Variants in SGCD observed in about 807,000 individuals in gnomAD.
SGCD encodes delta-sarcoglycan.
SGCD carries 18 observed loss-of-function variants against 36.6 expected under a neutral mutation model. The observed-to-expected ratio is 0.49, with a 90% confidence interval of 0.34 to 0.73. The LOEUF (loss-of-function observed/expected upper bound fraction) is 0.73, where lower values mean the gene tolerates loss of function less well. SGCD is among the 30% of genes least tolerant of loss of function. The probability of loss-of-function intolerance (pLI) is 0.01; values close to 1 mark genes in which losing one functional copy is unlikely to be tolerated. For missense variants in SGCD, 387 were observed against 346.7 expected, an observed-to-expected ratio of 1.12 and a Z score of -0.92; for synonymous variants, 133 against 130.6, an observed-to-expected ratio of 1.02 and a Z score of -0.12.
rs546509498 is a variant in SGCD at position 156,512,926 on chromosome 5, AT to A, written c.294+4236del. On this transcript the variant is annotated intron_variant, in intron 4 of 8. Transcript: ENST00000337851. ...ATTTAATGTCTAACTTAAGAGTACG[AT>A]TTTTTTTTTTTCCTGCAATGGGGCT... is the stretch of plus-strand genomic sequence containing the variant. Among the ~76,000 whole-genome samples, 978 of 146,674 alleles carry A rather than the reference AT, an allele frequency of 6.7e-3. 7 individuals are homozygous for A. Among genetic ancestry groups the A allele is most frequent in the African/African-American group, 0.016 (659 of 40,262 alleles).
chr5:156,008,095 G>A (rs913637504), intron 1 of SGCD, among the ~76,000 whole-genome samples: 6 of 152,050 alleles, frequency 3.9e-5, no homozygotes, highest in African/African-American at 9.7e-5. Flanking sequence ...TTGTGCTAGT[G>A]TCCTATGGCT....
At chr5:155,796,506 T>TA in the SGCD span, among the ~76,000 whole-genome samples, 1 of 151,574 alleles carries the variant, frequency 6.6e-6, no homozygotes, top group African/African-American at 2.4e-5. Flanking sequence ...AAAAAACACT[T>TA]AAAAATCAAT....
At chr5:155,909,146 T>C (rs1756580893) in intron 1 of SGCD, among the ~76,000 whole-genome samples, 1 of 152,098 alleles carries the variant, frequency 6.6e-6, no homozygotes, top group African/African-American at 2.4e-5. Context: ...CTACAGGTGC[T>C]CCAAACAGGC....
chr5:156,369,680 G>A (rs182555297), intron 3 of SGCD, among the ~76,000 whole-genome samples: 124 of 152,274 alleles, frequency 8.1e-4, no homozygotes, highest in South Asian at 1.2e-3. Flanking sequence ...GTAGGGGAGA[G>A]AGTTAGATTT....
intron 1 of SGCD, among the ~76,000 whole-genome samples, chr5:155,908,762 G>T (rs1756574398): frequency 6.6e-6 from 1 of 151,966 alleles, no homozygotes; most frequent in African/African-American, 2.4e-5. Flanking sequence ...GTTCTCTTTC[G>T]GGCTGGGGAC....
chr5:156,634,059 T>C (rs1762734358), intron 6 of SGCD, among the ~76,000 whole-genome samples: 2 of 152,232 alleles, frequency 1.3e-5, no homozygotes, highest in South Asian at 4.1e-4. Flanking sequence ...CTAAGTGTTC[T>C]GATTCTTCTA....
At chr5:156,602,018 G>A (rs1260037047) in intron 6 of SGCD, among the ~76,000 whole-genome samples, 3 of 152,062 alleles carry the variant, frequency 2.0e-5, no homozygotes, top group Non-Finnish European at 2.9e-5. Context: ...GCATTAAATC[G>A]GTAGAATGTT....
At chr5:155,748,632 T>A in the SGCD span, among the ~76,000 whole-genome samples, 1 of 152,188 alleles carries the variant, frequency 6.6e-6, no homozygotes, top group Non-Finnish European at 1.5e-5. Flanking sequence ...TTTGAGGCTC[T>A]GTTTGGAATG....
intron 3 of SGCD, among the ~76,000 whole-genome samples, chr5:156,263,831 C>A (rs528254772): frequency 2.0e-5 from 3 of 152,182 alleles, no homozygotes; most frequent in African/African-American, 7.2e-5. Flanking sequence ...TATCCCAGCA[C>A]CATTTGTTGA....
At chr5:155,870,785 T>C (rs1355443955) in intron 1 of SGCD, among the ~76,000 whole-genome samples, 1 of 152,168 alleles carries the variant, frequency 6.6e-6, no homozygotes, top group Non-Finnish European at 1.5e-5. Context: ...GAAAACATCC[T>C]ACTGAAATGC....
chr5:156,634,137 C>A (rs1191417477), intron 6 of SGCD, among the ~76,000 whole-genome samples: 1 of 152,190 alleles, frequency 6.6e-6, no homozygotes, highest in African/African-American at 2.4e-5. Flanking sequence ...GGACAACGAG[C>A]CTACTCTCCA....
chr5:156,524,868 A>G (rs1261418219), intron 4 of SGCD, among the ~76,000 whole-genome samples: 2 of 152,032 alleles, frequency 1.3e-5, no homozygotes, highest in African/African-American at 4.8e-5. Flanking sequence ...GATTTAGCTT[A>G]ATGTTCTCCA....
Position 156,274,115 on chromosome 5 carries a change from C to G in SGCD, c.-43-55419C>G, listed in dbSNP as rs139801968. On this transcript the variant is annotated intron_variant, in intron 3 of 9. Coordinates refer to the SGCD transcript ENST00000517913. ...GATAAAATAAAACATGAACTCAGCA[C>G]TGGGCCCCACAGCGTGAGGAGGTTT... 2.4e-4 allele frequency among the ~76,000 whole-genome samples: 36 copies of G among 152,218 alleles called. 2 individuals are homozygous for G. In the East Asian group the frequency reaches 7.0e-3, roughly 29 times the overall value.
intron 6 of SGCD, among the ~76,000 whole-genome samples, chr5:156,608,783 C>T (rs989999958): frequency 3.9e-5 from 6 of 152,124 alleles, no homozygotes; most frequent in Non-Finnish European, 7.4e-5. Context: ...GAATTGATCC[C>T]TTTACCATTA....
At chr5:156,436,467 G>A (rs948594680) in intron 3 of SGCD, among the ~76,000 whole-genome samples, 2 of 152,164 alleles carry the variant, frequency 1.3e-5, no homozygotes, top group Middle Eastern at 3.2e-3. Flanking sequence ...CTTTGCTAGT[G>A]TAGGATTCTG....
chr5:156,291,589 T>C (rs1488772102), intron 3 of SGCD, among the ~76,000 whole-genome samples: 2 of 152,154 alleles, frequency 1.3e-5, no homozygotes, highest in African/African-American at 4.8e-5. Flanking sequence ...GTATTTCTTG[T>C]GGTAAAATAT....
chr5:155,982,040 C>T (rs549080048), intron 1 of SGCD, among the ~76,000 whole-genome samples: 10 of 152,284 alleles, frequency 6.6e-5, no homozygotes, highest in Admixed American at 6.5e-4. Flanking sequence ...TTCTAAATGT[C>T]TATTTTGCGT....
At position 156,595,199 on chromosome 5, in the gene SGCD, C is replaced by G. The variant is rs576623545; in HGVS notation, c.502+148C>G. 6 of 923,716 alleles carry G rather than the reference C, an allele frequency of 6.5e-6. No homozygotes were observed. In the African/African-American group the frequency reaches 8.4e-5, roughly 13 times the overall value. 57.2% of individuals were successfully genotyped at this position (923,716 alleles called of 1,614,324 possible). A position where few individuals can be genotyped will look rare whatever the true frequency, so the allele number is the denominator to read the frequency against. ...AAGATAATGGTATTAGGAGGTGGAG[C>G]CTTGAGGGGTAATTAAGTCATGAGG... On this transcript the variant is annotated intron_variant, in intron 6 of 8. Coordinates refer to ENST00000337851, the MANE Select transcript of SGCD (RefSeq NM_000337.6).
intron 3 of SGCD, among the ~76,000 whole-genome samples, chr5:156,176,999 T>C (rs1458328524): frequency 6.6e-6 from 1 of 152,122 alleles, no homozygotes; most frequent in Non-Finnish European, 1.5e-5. Context: ...AGGTAATTTT[T>C]TATTTTTTAT....
Sources: allele counts gnomAD v4.1 joint callset (sites outside exome capture counted in the v4.1 genomes callset), GRCh38; gene constraint gnomAD v4.1.1; transcripts MANE v1.5; gene names NCBI Gene and HGNC (gene_info 2026-07-23, HGNC 2026-07-21).